Variants in ARHGAP22 observed in about 807,000 individuals in gnomAD.
The protein encoded by ARHGAP22 is Rho GTPase activating protein 22.
A neutral mutation model predicts 59.1 loss-of-function variants in ARHGAP22; 48 were observed. That is an observed-to-expected ratio of 0.81 (90% confidence interval 0.64 to 1.03). The LOEUF is 1.03. Among genes scored for constraint, ARHGAP22 ranks in the 50% least tolerant of loss-of-function variants. The probability of loss-of-function intolerance (pLI) is 0.00; values close to 1 mark genes in which losing one functional copy is unlikely to be tolerated. For missense variants in ARHGAP22, 1,015 were observed against 958.7 expected (o/e 1.06, Z -0.78); for synonymous variants, 445 against 416.4 (o/e 1.07, Z -0.84).
intron 2 of ARHGAP22, chr10:48,575,192 A>G (rs2058632382): frequency 1.3e-5 from 2 of 152,218 alleles, no homozygotes; most frequent in South Asian, 2.1e-4. Context: ...GCATCTCCAG[A>G]AGCTGAGCAG....
rs190942575 is a variant in ARHGAP22 at position 48,580,476 on chromosome 10, C to T, written c.234+2477G>A. Among the ~76,000 whole-genome samples, 391 of 152,324 alleles carry T rather than the reference C, an allele frequency of 2.6e-3. 2 individuals are homozygous for T. The highest frequency in any genetic ancestry group is 0.014 in the Middle Eastern group (4 of 294). On this transcript the variant is annotated intron_variant, in intron 2 of 9. Transcript: ENST00000249601. Reference sequence around the variant, plus strand: ...GCCTGGGTGGCCTCAGGGTCATGAGCACCCGGGCTCTCCCAGCATCACAAA... The same window carrying T: ...GCCTGGGTGGCCTCAGGGTCATGAGTACCCGGGCTCTCCCAGCATCACAAA...
chr10:48,490,869 TACTCAAGTTGAA>T (rs1344286029), intron 3 of ARHGAP22, among the ~76,000 whole-genome samples: 1 of 152,186 alleles, frequency 6.6e-6, no homozygotes. Flanking sequence ...ATCTTCTGGT[TACTCAAGTTGAA>T]ACCGGACACA....
chr10:48,445,817 G>C (rs962229392), downstream of ARHGAP22: 1 of 152,214 alleles, frequency 6.6e-6, no homozygotes. Context: ...GGGCGGGGGG[G>C]AGTAAAGAAA....
chr10:48,564,694 T>C (rs2057936260), intron 2 of ARHGAP22, among the ~76,000 whole-genome samples: 1 of 152,260 alleles, frequency 6.6e-6, no homozygotes, highest in Non-Finnish European at 1.5e-5. Context: ...ACAGTGTTTC[T>C]GCAGCCCAGA....
intron 1 of ARHGAP22, among the ~76,000 whole-genome samples, chr10:48,624,658 T>G (rs10776632): frequency 0.47 from 71,756 of 152,058 alleles, 17,346 homozygotes; most frequent in Admixed American, 0.56. Flanking sequence ...AACTTCCATG[T>G]CATATTTCAG....
At chr10:48,472,604 C>T (rs539569919) in intron 4 of ARHGAP22, among the ~76,000 whole-genome samples, 2 of 152,110 alleles carry the variant, frequency 1.3e-5, no homozygotes, top group Non-Finnish European at 2.9e-5. Context: ...AAGCCTCTAC[C>T]TTCTGGCCAC....
chr10:48,495,901 A>G (rs931716004), intron 3 of ARHGAP22, among the ~76,000 whole-genome samples: 2 of 152,178 alleles, frequency 1.3e-5, no homozygotes, highest in Non-Finnish European at 2.9e-5. Flanking sequence ...CTCCAGAAAC[A>G]GCCAGCAAGG....
chr10:48,632,425 G>T (rs2061659796), intron 1 of ARHGAP22, among the ~76,000 whole-genome samples: 1 of 151,760 alleles, frequency 6.6e-6, no homozygotes, highest in Non-Finnish European at 1.5e-5. Flanking sequence ...TTTTTCAACA[G>T]TTGAAATATT....
intron 1 of ARHGAP22, among the ~76,000 whole-genome samples, chr10:48,584,404 A>C (rs1351285102): frequency 6.6e-6 from 1 of 152,150 alleles, no homozygotes; most frequent in East Asian, 1.9e-4. Flanking sequence ...TCAAGAGCCA[A>C]CTCAAAGGAC....
At chr10:48,474,613 C>CACTTCTATTCA (rs150656940) in intron 4 of ARHGAP22, among the ~76,000 whole-genome samples, 24,724 of 151,420 alleles carry the variant, frequency 0.16, 2,613 homozygotes, top group East Asian at 0.6. Flanking sequence ...CCTTCTATTC[C>CACTTCTATTCA]TAGGGATAGA....
At chr10:48,577,801 GTTTTTTTTTTTTTTTTT>G (rs34557935) in intron 2 of ARHGAP22, among the ~76,000 whole-genome samples, 3 of 59,142 alleles carry the variant, frequency 5.1e-5, no homozygotes, top group African/African-American at 2.0e-4. Context: ...CTCTTTTTTG[GTTTTTTTTTTTTTTTTT>G]TTTTTTTTTT....
intron 3 of ARHGAP22, among the ~76,000 whole-genome samples, chr10:48,499,580 G>C (rs1184304338): frequency 3.9e-5 from 6 of 152,230 alleles, no homozygotes; most frequent in Non-Finnish European, 5.9e-5. Context: ...CCCTGGTATA[G>C]AGCATTTCCC....
chr10:48,565,472 G>A (rs143180168), intron 2 of ARHGAP22, among the ~76,000 whole-genome samples: 22 of 152,314 alleles, frequency 1.4e-4, no homozygotes, highest in South Asian at 6.2e-4. Flanking sequence ...GATTTCCCCA[G>A]GTTTAGTGCC....
intron 3 of ARHGAP22, among the ~76,000 whole-genome samples, chr10:48,549,281 A>G (rs998483390): frequency 3.9e-5 from 6 of 152,146 alleles, no homozygotes; most frequent in Admixed American, 3.9e-4. Flanking sequence ...TGCTGTGGTC[A>G]GGCTTACATG....
rs570973807 is a variant in ARHGAP22, at chr10:48,577,624, A to C, written c.234+5329T>G. On this transcript the variant is annotated intron_variant, in intron 2 of 9. Transcript: ENST00000249601. ...CTGGTCTGCACACTGATGTTCACCC[A>C]ACCTTCCTGTTCTCTAAGATATTCC... Among the ~76,000 whole-genome samples the C allele has an allele frequency of 2.6e-5, 4 of 152,078 alleles. No individual in the cohort carries two copies. The East Asian group carries it at 7.7e-4, about 29-fold the overall frequency.
At chr10:48,495,808 G>A (rs2050863934) in intron 3 of ARHGAP22, among the ~76,000 whole-genome samples, 1 of 152,208 alleles carries the variant, frequency 6.6e-6, no homozygotes, top group Non-Finnish European at 1.5e-5. Context: ...CTTGTTCTCT[G>A]GCTTGCTGGC....
intron 1 of ARHGAP22, among the ~76,000 whole-genome samples, chr10:48,650,857 A>G (rs2062530793): frequency 6.6e-6 from 1 of 151,934 alleles, no homozygotes; most frequent in African/African-American, 2.4e-5. Flanking sequence ...CCCACCCCCT[A>G]TTTTCTCCTG....
At chr10:48,579,908 C>T (rs552282289) in intron 2 of ARHGAP22, among the ~76,000 whole-genome samples, 73 of 152,348 alleles carry the variant, frequency 4.8e-4, no homozygotes, top group African/African-American at 1.7e-3. Flanking sequence ...TTGCCAGCAG[C>T]TGTGCAAGTT....
At chr10:48,605,253 C>A (rs1028330083), upstream of ARHGAP22, 2 of 745,232 alleles carry the variant, frequency 2.7e-6, no homozygotes, top group Non-Finnish European at 3.3e-6. Context: ...AAGAAATGCG[C>A]CTTTCAGCCG....
Sources: gnomAD v4.1 joint callset for allele counts (sites outside exome capture counted in the v4.1 genomes callset) on GRCh38, gnomAD v4.1.1 for gene constraint, MANE v1.5 for transcripts, NCBI Gene and HGNC (gene_info 2026-07-23, HGNC 2026-07-21) for gene names.